The following NIPA2 variants were observed in gnomAD, a reference collection of about 807,000 sequenced individuals.
NIPA2 encodes magnesium transporter NIPA2.
Under a neutral mutation model 29.7 loss-of-function variants are expected in NIPA2, and 11 were observed. That is an observed-to-expected ratio of 0.37 (90% confidence interval 0.23 to 0.61). The LOEUF (loss-of-function observed/expected upper bound fraction) is 0.61. NIPA2 is among the 20% of genes least tolerant of loss of function. The probability of loss-of-function intolerance (pLI) is 0.66; values close to 1 mark genes in which losing one functional copy is unlikely to be tolerated. For synonymous variants in NIPA2, 183 were observed against 161.9 expected (o/e 1.13, Z -0.99); for missense variants, 426 against 437.9 (o/e 0.97, Z 0.24).
In NIPA2 at chr15:22,868,364, A is replaced by ATAATAAT. The variant is rs1555392622; in HGVS notation, c.*1523_*1524insTTAATAA. On this transcript the variant is annotated 3_prime_UTR_variant, in exon 8 of 8. Transcript: ENST00000337451. ...CATTTGAACATGCATAGGTTAATAA[A>ATAATAAT]TAATAAATTCTTATTTAACATTTTG... 1.3e-5 allele frequency: 2 copies of ATAATAAT among 151,970 alleles called. No individual in the cohort carries two copies. The highest frequency in any genetic ancestry group is 2.9e-5 in the Non-Finnish European group (2 of 68,024). 9.4% of individuals were successfully genotyped at this position (151,970 alleles called of 1,614,324 possible).
intron 7 of NIPA2, among the ~76,000 whole-genome samples, chr15:22,862,534 TC>T (rs2058695218): frequency 6.6e-6 from 1 of 152,188 alleles, no homozygotes; most frequent in Non-Finnish European, 1.5e-5. Flanking sequence ...GGGGAGATTT[TC>T]TGTTTTTTCT....
At chr15:22,860,903 C>T in intron 7 of NIPA2, 114 bp downstream of exon 7, 1 of 721,080 alleles carries the variant, frequency 1.4e-6, no homozygotes, top group Non-Finnish European at 2.2e-6. Context: ...GGTAGAAGAA[C>T]AAATTGTCGT....
chr15:22,839,480 C>G (rs1219421219), intron 1 of NIPA2, among the ~76,000 whole-genome samples, 175 bp from the exon 2 acceptor site: 1 of 152,150 alleles, frequency 6.6e-6, no homozygotes, highest in Non-Finnish European at 1.5e-5. Flanking sequence ...GAGGAAATAT[C>G]AGAGTCGAGA....
Position 22,867,660 on chromosome 15 carries a change from A to AAAT in NIPA2, c.*815_*817dup, listed in dbSNP as rs751724856. The AAAT allele has an allele frequency of 1.3e-5, 2 of 149,778 alleles. No individual in the cohort carries two copies. Among genetic ancestry groups the AAAT allele is most frequent in the Non-Finnish European group, 2.9e-5 (2 of 67,938 alleles). 9.3% of individuals were successfully genotyped at this position (149,778 alleles called of 1,614,324 possible). A position where few individuals can be genotyped will look rare whatever the true frequency, so the allele number is the denominator to read the frequency against. ...CATTTAGACTTTGAACAGCTCTGGG[A>AAAT]AATAGAAGACTAGGGTTGTTTCTTA... On this transcript the variant is annotated 3_prime_UTR_variant, in exon 8 of 8. Transcript: ENST00000337451.
At chr15:22,841,222 T>C (rs796366235) in intron 2 of NIPA2, among the ~76,000 whole-genome samples, 127 of 152,334 alleles carry the variant, frequency 8.3e-4, no homozygotes, top group African/African-American at 2.9e-3. Context: ...ACTGTGTTAG[T>C]ATCTGTATGT....
At chr15:22,861,465 G>T (rs1031315825) in intron 7 of NIPA2, among the ~76,000 whole-genome samples, 2 of 152,056 alleles carry the variant, frequency 1.3e-5, no homozygotes. Context: ...CTTCATTTTG[G>T]TGGTGTCACT....
intron 5 of NIPA2, among the ~76,000 whole-genome samples, chr15:22,857,417 G>A (rs2058263568): frequency 6.6e-6 from 1 of 150,378 alleles, no homozygotes; most frequent in African/African-American, 2.5e-5. Flanking sequence ...GTGCAGACTG[G>A]GCGACAGAGC....
chr15:22,867,205 A>G lies in NIPA2; in HGVS notation c.*358A>G, dbSNP rs747225529. 2.9e-5 allele frequency: 12 copies of G among 421,050 alleles called. No homozygotes were observed. The highest frequency in any genetic ancestry group is 1.6e-4 in the African/African-American group (8 of 48,730). 26.1% of individuals were successfully genotyped at this position (421,050 alleles called of 1,614,324 possible). ...AATGTGCATTTGTCATCCCCACTCC[A>G]TCAATCCCTGACCATGTAAGGCTTT... On this transcript the variant is annotated 3_prime_UTR_variant, in exon 8 of 8. Coordinates refer to ENST00000337451, the MANE Select transcript of NIPA2 (RefSeq NM_030922.7).
At chr15:22,863,937 TC>T (rs1357665269) in intron 7 of NIPA2, among the ~76,000 whole-genome samples, 4 of 152,268 alleles carry the variant, frequency 2.6e-5, no homozygotes, top group South Asian at 4.1e-4. Context: ...TTGTTGTAGA[TC>T]CATCGTTTGT....
At chr15:22,840,152 C>T (rs1896626215) in intron 2 of NIPA2, among the ~76,000 whole-genome samples, 1 of 152,042 alleles carries the variant, frequency 6.6e-6, no homozygotes, top group African/African-American at 2.4e-5. Flanking sequence ...TAATTCTGGA[C>T]TTAAGCGATC....
rs562950383 is a variant in NIPA2, at chr15:22,864,001, A to G, written c.449-2212A>G. 1.7e-4 allele frequency among the ~76,000 whole-genome samples: 26 copies of G among 152,114 alleles called. No individual in the cohort carries two copies. The South Asian group carries it at 5.2e-3, about 30-fold the overall frequency. Reference sequence around the variant, plus strand: ...TTTCATTGTGTCTCTGAGGATATTAATAATAGTTTTTCTTGCTTTTCTGAG... The same window carrying G: ...TTTCATTGTGTCTCTGAGGATATTAGTAATAGTTTTTCTTGCTTTTCTGAG... On this transcript the variant is annotated intron_variant, in intron 7 of 7. Transcript: ENST00000337451.
intron 5 of NIPA2, among the ~76,000 whole-genome samples, chr15:22,858,255 A>G (rs952645687): frequency 7.2e-5 from 11 of 152,082 alleles, no homozygotes; most frequent in Non-Finnish European, 1.6e-4. Flanking sequence ...TTAGCTGGGC[A>G]TAGTGGCGAG....
intron 5 of NIPA2, among the ~76,000 whole-genome samples, chr15:22,856,147 C>A (rs971754950): frequency 3.9e-5 from 6 of 152,100 alleles, no homozygotes; most frequent in African/African-American, 1.4e-4. Context: ...ACCTACTTGC[C>A]AGTCCTGTGA....
chr15:22,854,171 AGGCTGGAGTGTAGT>A (rs1566844340), intron 5 of NIPA2, among the ~76,000 whole-genome samples: 2 of 149,928 alleles, frequency 1.3e-5, no homozygotes, highest in Non-Finnish European at 1.5e-5. Flanking sequence ...CTCTGTTGCC[AGGCTGGAGTGTAGT>A]GGCACCATCT....
In NIPA2 at chr15:22,867,243, AAAC is replaced by A. The variant is rs978874926; in HGVS notation, c.*398_*400del. ...CATGTAAGGCTTTTTTATTTTAAAA[AAAC>A]AGAGTTATCCCAATACATTATCCTG... On this transcript the variant is annotated 3_prime_UTR_variant, in exon 8 of 8. Coordinates refer to ENST00000337451, the MANE Select transcript of NIPA2 (RefSeq NM_030922.7). The A allele has an allele frequency of 5.4e-5, 22 of 404,274 alleles. 1 individual carries two copies. In the Admixed American group the frequency reaches 7.6e-4, roughly 14 times the overall value. 25.0% of individuals were successfully genotyped at this position (404,274 alleles called of 1,614,324 possible). A position where few individuals can be genotyped will look rare whatever the true frequency, so the allele number is the denominator to read the frequency against.
At position 22,867,945 on chromosome 15, in the gene NIPA2, T is replaced by C. The variant is rs891912820; in HGVS notation, c.*1098T>C. On this transcript the variant is annotated 3_prime_UTR_variant, in exon 8 of 8. Transcript: ENST00000337451. ...TGAACTCCATTCAGCTTTGAACCTA[T>C]CCACTCATAACCATTGACTGGCCTT... 6.6e-6 allele frequency: 1 copy of C among 151,478 alleles called. No individual in the cohort carries two copies. Among genetic ancestry groups the C allele is most frequent in the Non-Finnish European group, 1.5e-5 (1 of 67,630 alleles). 9.4% of individuals were successfully genotyped at this position (151,478 alleles called of 1,614,324 possible).
rs754434850 is a variant in NIPA2, at chr15:22,860,678, A to G, written c.337A>G (p.Lys113Glu). 6.3e-7 allele frequency: 1 copy of G among 1,599,284 alleles called. No homozygotes were observed. ...CAATGAAAGACTTAATCTTCATGGG[A>G]AAATTGGGTGTTTGCTAAGTATTCT... The part of the protein sequence containing the change: ...FLNERLNLHG[K>E]IGCLLSILGS... The change falls in exon 7 of 8, where the codon AAA becomes GAA. Residue 113 changes from lysine (K) to glutamate (E), a missense_variant. By Grantham distance (56) the Lys-to-Glu change is moderately conservative (BLOSUM62 1). Coordinates refer to ENST00000337451, the MANE Select transcript of NIPA2 (RefSeq NM_030922.7).
intron 7 of NIPA2, among the ~76,000 whole-genome samples, chr15:22,864,589 G>A (rs1453482409): frequency 2.0e-5 from 3 of 152,200 alleles, no homozygotes; most frequent in Non-Finnish European, 4.4e-5. Context: ...GTTGACCTCA[G>A]CTTCCTGGAA....
chr15:22,860,564 T>C (rs2058549206), intron 6 of NIPA2, 65 bp from the exon 7 acceptor site: 1 of 1,031,150 alleles, frequency 9.7e-7, no homozygotes. Flanking sequence ...TTACGAGTTT[T>C]ATTGATATTT....
Sources: gnomAD v4.1 joint callset for allele counts (sites outside exome capture counted in the v4.1 genomes callset) on GRCh38, gnomAD v4.1.1 for gene constraint, MANE v1.5 for transcripts, NCBI Gene and HGNC (gene_info 2026-07-23, HGNC 2026-07-21) for gene names.